CACNA2D3: variants seen among roughly 807,000 people sequenced by gnomAD.
CACNA2D3 encodes calcium voltage-gated channel auxiliary subunit alpha2delta 3.
CACNA2D3 carries 60 observed loss-of-function variants against 160.6 expected under a neutral mutation model. That is an observed-to-expected ratio of 0.37 (90% CI 0.30 to 0.46). CACNA2D3 has a LOEUF of 0.46. Ranked by LOEUF, CACNA2D3 falls within the 20% of genes least tolerant of loss-of-function variation. The pLI is 1.00. For synonymous variants in CACNA2D3, 558 were observed against 492.9 expected, an observed-to-expected ratio of 1.13 and a Z score of -1.75; for missense variants, 1,205 against 1,365.0, an observed-to-expected ratio of 0.88 and a Z score of 1.85.
Position 55,074,011 on chromosome 3 carries a change from G to GAC in CACNA2D3, c.3184-102_3184-101insCA, listed in dbSNP as rs1704884910. ...AATCTGCACCATCATCTAGGTCCCAGAAGACTTCGTTCTTACGTTAGAGAG... is the reference window on the plus strand; with the variant it reads ...AATCTGCACCATCATCTAGGTCCCAGACAAGACTTCGTTCTTACGTTAGAGAG... On this transcript the variant is annotated intron_variant, in intron 37 of 37. Transcript: ENST00000474759. The GAC allele has an allele frequency of 2.6e-6, 3 of 1,148,980 alleles. No individual in the cohort carries two copies. In the African/African-American group the frequency reaches 4.6e-5, roughly 17 times the overall value. 71.2% of individuals were successfully genotyped at this position (1,148,980 alleles called of 1,614,324 possible).
At chr3:54,968,039 A>C (rs12487923) in intron 27 of CACNA2D3, among the ~76,000 whole-genome samples, 62,564 of 152,034 alleles carry the variant, frequency 0.41, 14,211 homozygotes, top group East Asian at 0.56. Flanking sequence ...TCTCAAAAAC[A>C]CATGCAGAGT....
intron 14 of CACNA2D3, among the ~76,000 whole-genome samples, chr3:54,827,755 CT>C (rs1178244719): frequency 6.6e-6 from 1 of 152,212 alleles, no homozygotes; most frequent in Non-Finnish European, 1.5e-5. Context: ...CTAATTTTCT[CT>C]GCCTTCTTTA....
rs144073554 is a variant in CACNA2D3, at chr3:54,193,906, T to C, written c.204+70312T>C. Among the ~76,000 whole-genome samples the C allele has an allele frequency of 3.1e-3, 469 of 152,346 alleles. 5 individuals are homozygous for C. Among genetic ancestry groups the C allele is most frequent in the Middle Eastern group, 0.02 (6 of 294 alleles). ...CCTGCAAAATGGGAAGAACACTATC[T>C]GCCTCACTGGGATGTTGAGAGCTCA... is the stretch of plus-strand genomic sequence containing the variant. On this transcript the variant is annotated intron_variant, in intron 2 of 37. Coordinates refer to ENST00000474759, the MANE Select transcript of CACNA2D3 (RefSeq NM_018398.3).
chr3:54,857,458 T>C (rs1217195033), intron 17 of CACNA2D3, among the ~76,000 whole-genome samples: 6 of 152,126 alleles, frequency 3.9e-5, no homozygotes, highest in Non-Finnish European at 8.8e-5. Context: ...TTAGCATCCC[T>C]CAGCCAAAGA....
Position 54,605,366 on chromosome 3 carries a change from A to G in CACNA2D3, c.964-22421A>G, listed in dbSNP as rs531592465. Among the ~76,000 whole-genome samples, 11 of 152,262 alleles carry G rather than the reference A, an allele frequency of 7.2e-5. No homozygotes were observed. In the South Asian group the frequency reaches 1.2e-3, roughly 17 times the overall value. On this transcript the variant is annotated intron_variant, in intron 9 of 37. Transcript: ENST00000474759. The stretch of plus-strand genomic sequence containing the variant: ...TCTGAGAAGTTTCAAGCTCCTCACC[A>G]TGCATGATAATGGCCCTTATCCTAT...
chr3:54,568,335 G>A (rs551067257), intron 6 of CACNA2D3, among the ~76,000 whole-genome samples: 10 of 152,270 alleles, frequency 6.6e-5, no homozygotes, highest in South Asian at 2.1e-4. Flanking sequence ...AGGGATTTAC[G>A]TACATTCTGG....
chr3:54,386,273 G>A (rs887676375), intron 3 of CACNA2D3, among the ~76,000 whole-genome samples: 1 of 152,148 alleles, frequency 6.6e-6, no homozygotes, highest in African/African-American at 2.4e-5. Context: ...GAATGATTGA[G>A]GGAATTAAAA....
intron 16 of CACNA2D3, among the ~76,000 whole-genome samples, chr3:54,840,471 C>T (rs1698794562): frequency 1.5e-5 from 2 of 133,590 alleles, no homozygotes; most frequent in African/African-American, 5.8e-5. Context: ...AGTGCAGTGG[C>T]ACCGTCTCAG....
chr3:54,781,771 A>G (rs1166309486), intron 13 of CACNA2D3, among the ~76,000 whole-genome samples: 1 of 152,242 alleles, frequency 6.6e-6, no homozygotes, highest in East Asian at 1.9e-4. Context: ...ACAAAAGCCA[A>G]CTGTTTTAAA....
chr3:54,151,605 G>A (rs1700153092), intron 2 of CACNA2D3, among the ~76,000 whole-genome samples: 1 of 152,152 alleles, frequency 6.6e-6, no homozygotes, highest in Non-Finnish European at 1.5e-5. Flanking sequence ...AGGTCACCAG[G>A]ATGCATGGGG....
intron 27 of CACNA2D3, among the ~76,000 whole-genome samples, chr3:54,907,580 G>A (rs945818806): frequency 1.8e-4 from 27 of 151,976 alleles, no homozygotes; most frequent in Admixed American, 8.5e-4. Flanking sequence ...CATATGTTAC[G>A]CCCACTGCTG....
At chr3:54,725,606 A>C (rs533359955) in intron 11 of CACNA2D3, among the ~76,000 whole-genome samples, 40 of 152,332 alleles carry the variant, frequency 2.6e-4, no homozygotes, top group Admixed American at 1.6e-3. Context: ...AGGTTGGTTC[A>C]ACATATGCAA....
At chr3:54,926,191 CAAAT>C (rs999377689) in intron 27 of CACNA2D3, among the ~76,000 whole-genome samples, 4 of 152,116 alleles carry the variant, frequency 2.6e-5, no homozygotes, top group African/African-American at 9.7e-5. Flanking sequence ...ACAAAAATCT[CAAAT>C]AAACATATAG....
chr3:55,045,796 T>A (rs1575450024), intron 35 of CACNA2D3, among the ~76,000 whole-genome samples: 1 of 124,742 alleles, frequency 8.0e-6, no homozygotes, highest in Middle Eastern at 3.9e-3. Flanking sequence ...TACTTTGTAA[T>A]AGATAAAACA....
intron 3 of CACNA2D3, among the ~76,000 whole-genome samples, chr3:54,339,080 T>C (rs906441444): frequency 3.3e-5 from 5 of 152,218 alleles, no homozygotes; most frequent in Non-Finnish European, 7.3e-5. Context: ...CTATGATTTC[T>C]GACTTTATTT....
At chr3:54,139,508 A>T (rs1256867310) in intron 2 of CACNA2D3, among the ~76,000 whole-genome samples, 1 of 152,254 alleles carries the variant, frequency 6.6e-6, no homozygotes, top group African/African-American at 2.4e-5. Context: ...ATTATCTCCC[A>T]GGAGCCCTTG....
intron 3 of CACNA2D3, among the ~76,000 whole-genome samples, chr3:54,338,058 A>T (rs2107523482): frequency 6.6e-6 from 1 of 152,338 alleles, no homozygotes; most frequent in Non-Finnish European, 1.5e-5. Context: ...GACAGACAAC[A>T]CCAGTAAATC....
chr3:54,666,055 A>G (rs888204026), intron 11 of CACNA2D3, among the ~76,000 whole-genome samples: 1 of 152,194 alleles, frequency 6.6e-6, no homozygotes, highest in East Asian at 1.9e-4. Flanking sequence ...GGAGGGGTAT[A>G]GATGGAATAG....
chr3:54,446,108 G>A lies in CACNA2D3; in HGVS notation c.382-57384G>A, dbSNP rs752825304. On this transcript the variant is annotated intron_variant, in intron 4 of 37. Coordinates refer to ENST00000474759, the MANE Select transcript of CACNA2D3 (RefSeq NM_018398.3). Reference sequence around the variant, plus strand: ...TCATAGAAGAAGAGAACATGTTTTCGGGGAGATGTCTTTTCGTGTTTTGCT... The same window carrying A: ...TCATAGAAGAAGAGAACATGTTTTCAGGGAGATGTCTTTTCGTGTTTTGCT... 5.3e-5 allele frequency among the ~76,000 whole-genome samples: 8 copies of A among 152,170 alleles called. No individual in the cohort carries two copies. In the East Asian group the frequency reaches 5.8e-4, roughly 11 times the overall value.
Sources: allele counts gnomAD v4.1 joint callset (sites outside exome capture counted in the v4.1 genomes callset), GRCh38; gene constraint gnomAD v4.1.1; transcripts MANE v1.5; gene names NCBI Gene and HGNC (gene_info 2026-07-23, HGNC 2026-07-21).